The following PCDH15 variants were observed in gnomAD, a reference collection of about 807,000 sequenced individuals.
PCDH15 encodes protocadherin-15.
Under a neutral mutation model 178.5 loss-of-function variants are expected in PCDH15, and 129 were observed. The ratio of observed to expected loss-of-function variants is 0.72; its 90% confidence interval spans 0.63 to 0.84. PCDH15 has a LOEUF of 0.84. PCDH15 is among the 40% of genes least tolerant of loss of function. The pLI is 0.00. For missense variants in PCDH15, 2,230 were observed against 2,099.9 expected (o/e 1.06, Z -1.21); for synonymous variants, 800 against 732.0 (o/e 1.09, Z -1.50).
intron 2 of PCDH15, among the ~76,000 whole-genome samples, chr10:54,998,484 A>G (rs1372982449): frequency 4.6e-5 from 7 of 152,146 alleles, no homozygotes; most frequent in African/African-American, 1.7e-4. Context: ...TCCAGAATAA[A>G]TAATCATCAC....
intron 1 of PCDH15, among the ~76,000 whole-genome samples, chr10:54,664,675 GCCAGTTGTTAGTAT>G (rs2094543106): frequency 6.6e-6 from 1 of 151,932 alleles, no homozygotes; most frequent in Non-Finnish European, 1.5e-5. Context: ...AAGATAGTAA[GCCAGTTGTTAGTAT>G]CCTACATGAG....
At chr10:55,485,976 C>T (rs1371232298) in intron 2 of PCDH15, among the ~76,000 whole-genome samples, 2 of 151,546 alleles carry the variant, frequency 1.3e-5, no homozygotes, top group Non-Finnish European at 3.0e-5. Flanking sequence ...GGTGAGTTTC[C>T]CTGTCAAAAA....
chr10:53,902,146 T>C (rs2082374357), intron 26 of PCDH15, among the ~76,000 whole-genome samples: 1 of 152,152 alleles, frequency 6.6e-6, no homozygotes, highest in South Asian at 2.1e-4. Flanking sequence ...GGATTCCTAC[T>C]TGTGGATAAC....
At chr10:54,656,996 G>A (rs1286099181) in intron 2 of PCDH15, among the ~76,000 whole-genome samples, 1 of 152,134 alleles carries the variant, frequency 6.6e-6, no homozygotes, top group East Asian at 1.9e-4. Context: ...CCCTGCCACA[G>A]AGGCTTCCAT....
intron 3 of PCDH15, among the ~76,000 whole-genome samples, chr10:54,895,991 A>G (rs2131820653): frequency 6.6e-6 from 1 of 151,986 alleles, no homozygotes; most frequent in Admixed American, 6.6e-5. Flanking sequence ...GGTTCAAGCG[A>G]TCCTCCTGCC....
intron 6 of PCDH15, among the ~76,000 whole-genome samples, chr10:54,336,381 C>T (rs1235767300): frequency 6.6e-6 from 1 of 152,106 alleles, no homozygotes; most frequent in Non-Finnish European, 1.5e-5. Context: ...TGTGGCAGCC[C>T]CTCCCATCAT....
At chr10:55,417,265 C>T (rs1041692199) in intron 2 of PCDH15, among the ~76,000 whole-genome samples, 3 of 151,590 alleles carry the variant, frequency 2.0e-5, no homozygotes, top group African/African-American at 7.3e-5. Context: ...AATAAAAATT[C>T]ACCAAATCAT....
intron 7 of PCDH15, among the ~76,000 whole-genome samples, chr10:54,328,491 T>C (rs1045710363): frequency 6.6e-6 from 1 of 152,012 alleles, no homozygotes; most frequent in Non-Finnish European, 1.5e-5. Context: ...CTATACATAG[T>C]ATAATTCAGA....
chr10:54,053,270 C>T (rs1439813440), intron 18 of PCDH15, among the ~76,000 whole-genome samples: 4 of 152,024 alleles, frequency 2.6e-5, no homozygotes, highest in East Asian at 1.9e-4. Flanking sequence ...TATACTTTAC[C>T]GGTTCTCTTT....
intron 2 of PCDH15, among the ~76,000 whole-genome samples, chr10:54,548,699 G>C (rs1409058872): frequency 6.7e-6 from 1 of 148,448 alleles, no homozygotes; most frequent in Non-Finnish European, 1.5e-5. Context: ...ACATTGCTTG[G>C]TTCAATTTGT....
intron 2 of PCDH15, among the ~76,000 whole-genome samples, chr10:55,437,082 C>A (rs766120718): frequency 1.3e-5 from 2 of 152,138 alleles, no homozygotes; most frequent in African/African-American, 2.4e-5. Context: ...AATATAAAAG[C>A]GATGACTATA....
At chr10:54,019,085 G>T (rs2092830755) in intron 20 of PCDH15, among the ~76,000 whole-genome samples, 1 of 151,838 alleles carries the variant, frequency 6.6e-6, no homozygotes, top group African/African-American at 2.4e-5. Flanking sequence ...CCCTTGCTCT[G>T]TGCAGGTATC....
At chr10:54,242,675 C>A (rs12252904) in intron 8 of PCDH15, among the ~76,000 whole-genome samples, 1 of 152,040 alleles carries the variant, frequency 6.6e-6, no homozygotes, top group Admixed American at 6.5e-5. Flanking sequence ...TTGAGATAGA[C>A]ATAATAGAAG....
At chr10:54,349,653 T>C (rs1565043340) in intron 5 of PCDH15, among the ~76,000 whole-genome samples, 2 of 150,688 alleles carry the variant, frequency 1.3e-5, no homozygotes, top group Admixed American at 1.3e-4. Context: ...ATGTAGTCCT[T>C]TAAAATAAAC....
intron 2 of PCDH15, among the ~76,000 whole-genome samples, chr10:55,545,238 C>G (rs1338401020): frequency 6.7e-6 from 1 of 150,178 alleles, no homozygotes; most frequent in African/African-American, 2.4e-5. Flanking sequence ...AGAATTTCAA[C>G]TAATATGGAA....
At chr10:54,564,133 CCCA>C (rs1379771059) in intron 2 of PCDH15, among the ~76,000 whole-genome samples, 1 of 151,882 alleles carries the variant, frequency 6.6e-6, no homozygotes, top group Non-Finnish European at 1.5e-5. Flanking sequence ...GTTTTTCCCC[CCCA>C]CATCATACTG....
rs77209953 is a variant in PCDH15 at position 54,794,562 on chromosome 10, G to A, written c.-29+6363C>T. 9.6e-3 allele frequency among the ~76,000 whole-genome samples: 1,458 copies of A among 151,706 alleles called. 23 individuals are homozygous for A. Among genetic ancestry groups the A allele is most frequent in the African/African-American group, 0.028 (1,174 of 41,428 alleles). ...TGGAGTATTTTATTTCATGCTTACCGTATCAGATGGAATGTAAGGTTAACA... is the reference window on the plus strand; with the variant it reads ...TGGAGTATTTTATTTCATGCTTACCATATCAGATGGAATGTAAGGTTAACA... On this transcript the variant is annotated intron_variant, in intron 1 of 37. Coordinates refer to ENST00000644397, the MANE Select transcript of PCDH15 (RefSeq NM_001384140.1).
chr10:55,339,104 A>G (rs1844480879), intron 2 of PCDH15, among the ~76,000 whole-genome samples: 1 of 152,118 alleles, frequency 6.6e-6, no homozygotes, highest in African/African-American at 2.4e-5. Flanking sequence ...AGTTAACAAG[A>G]ATCTATTATG....
intron 32 of PCDH15, chr10:53,821,085 A>G: frequency 2.1e-6 from 2 of 972,438 alleles, no homozygotes; most frequent in Non-Finnish European, 2.4e-6. Flanking sequence ...GAACAATGAA[A>G]TGCCTTACAA....
Sources: gnomAD v4.1 joint callset for allele counts (sites outside exome capture counted in the v4.1 genomes callset) on GRCh38, gnomAD v4.1.1 for gene constraint, MANE v1.5 for transcripts, NCBI Gene and HGNC (gene_info 2026-07-23, HGNC 2026-07-21) for gene names.